INTS4: variants seen among roughly 807,000 people sequenced by gnomAD.
INTS4 encodes MSTP093.
Under a neutral mutation model 119.5 loss-of-function variants are expected in INTS4, and 70 were observed. The observed-to-expected ratio is 0.59, with a 90% CI of 0.48 to 0.71. INTS4 has a LOEUF of 0.71. Ranked by LOEUF, INTS4 falls within the 30% of genes least tolerant of loss-of-function variation. INTS4 has a pLI of 0.00. For missense variants in INTS4, 867 were observed against 1,173.2 expected (o/e 0.74, Z 3.81); for synonymous variants, 316 against 419.6 (o/e 0.75, Z 3.02).
At chr11:77,899,500 G>A (rs181447086) in intron 18 of INTS4, among the ~76,000 whole-genome samples, 2,681 of 151,822 alleles carry the variant, frequency 0.018, 90 homozygotes, top group African/African-American at 0.061. Context: ...GGTGAAACCC[G>A]TCTCTACTGA....
intron 20 of INTS4, 23 bp downstream of exon 20, chr11:77,891,658 A>G: frequency 1.2e-6 from 2 of 1,611,084 alleles, no homozygotes; most frequent in Non-Finnish European, 1.7e-6. Context: ...GATTTGGCCT[A>G]CAGGGGCCAA....
rs140609177 is a variant in INTS4 at position 77,926,944 on chromosome 11, C to T, written c.1371+1398G>A. On this transcript the variant is annotated intron_variant, in intron 11 of 22. Coordinates refer to ENST00000534064, the MANE Select transcript of INTS4 (RefSeq NM_033547.4). ...TACTGAAAAATGCTACAGCAGTATACACAGGGTGCTATGGGAATAGAGTGG... is the reference window on the plus strand; with the variant it reads ...TACTGAAAAATGCTACAGCAGTATATACAGGGTGCTATGGGAATAGAGTGG... 5.7e-3 allele frequency among the ~76,000 whole-genome samples: 875 copies of T among 152,228 alleles called. 6 individuals are homozygous for T. Among genetic ancestry groups the T allele is most frequent in the African/African-American group, 0.019 (797 of 41,554 alleles).
At chr11:77,939,182 A>T (rs576651594) in intron 9 of INTS4, among the ~76,000 whole-genome samples, 1 of 152,330 alleles carries the variant, frequency 6.6e-6, no homozygotes, top group Admixed American at 6.5e-5. Context: ...TGACTCTAAG[A>T]AAACAATTAT....
downstream of INTS4, among the ~76,000 whole-genome samples, chr11:77,876,666 A>T (rs1951603188): frequency 6.6e-6 from 1 of 152,160 alleles, no homozygotes; most frequent in African/African-American, 2.4e-5. Context: ...GTATTCTGAT[A>T]CCAAGCCAAA....
At chr11:77,952,047 C>G (rs1954209790) in intron 8 of INTS4, among the ~76,000 whole-genome samples, 1 of 152,170 alleles carries the variant, frequency 6.6e-6, no homozygotes, top group East Asian at 1.9e-4. Context: ...GAAATAGGAA[C>G]ACTTTTACAC....
intron 15 of INTS4, among the ~76,000 whole-genome samples, chr11:77,916,679 T>C: frequency 6.6e-6 from 1 of 152,246 alleles, no homozygotes; most frequent in East Asian, 1.9e-4. Flanking sequence ...AACTGTCTTC[T>C]GCACATGGAC....
intron 9 of INTS4, among the ~76,000 whole-genome samples, chr11:77,940,081 T>C (rs1378173547): frequency 1.3e-5 from 2 of 152,164 alleles, no homozygotes; most frequent in African/African-American, 4.8e-5. Flanking sequence ...TCAAATTTGG[T>C]TCTGCAAACC....
chr11:77,971,641 T>A (rs1207044994), intron 4 of INTS4, among the ~76,000 whole-genome samples: 3 of 152,066 alleles, frequency 2.0e-5, no homozygotes, highest in Non-Finnish European at 2.9e-5. Context: ...AGACTCCGAC[T>A]CAAAAAAACA....
At chr11:77,907,380 T>G (rs1014739406) in intron 16 of INTS4, among the ~76,000 whole-genome samples, 5 of 152,182 alleles carry the variant, frequency 3.3e-5, no homozygotes, top group African/African-American at 1.2e-4. Flanking sequence ...GGCCTTCAAA[T>G]GAGCATTTTA....
intron 16 of INTS4, among the ~76,000 whole-genome samples, chr11:77,904,878 A>G (rs1952895162): frequency 6.6e-6 from 1 of 152,128 alleles, no homozygotes; most frequent in Non-Finnish European, 1.5e-5. Flanking sequence ...TTACCATGTT[A>G]TTGTCTTTAT....
chr11:77,896,297 G>A (rs1292596736), intron 18 of INTS4, among the ~76,000 whole-genome samples: 2 of 152,126 alleles, frequency 1.3e-5, no homozygotes, highest in African/African-American at 4.8e-5. Context: ...AAACTCAACG[G>A]TTCAGAACAG....
Position 77,883,133 on chromosome 11 carries a change from G to A in INTS4, c.2713+699C>T, listed in dbSNP as rs73497913. ...AATTATGTGTTTAAAAACACAGAGT[G>A]AAAGAAAATTCCAAAAGGCATTCCC... On this transcript the variant is annotated intron_variant, in intron 22 of 22. Coordinates refer to ENST00000534064, the MANE Select transcript of INTS4 (RefSeq NM_033547.4). Among the ~76,000 whole-genome samples the A allele has an allele frequency of 4.9e-3, 751 of 152,048 alleles. 8 individuals carry two copies. The highest frequency in any genetic ancestry group is 0.017 in the African/African-American group (719 of 41,438).
chr11:77,915,517 C>T (rs1300035681), intron 15 of INTS4, among the ~76,000 whole-genome samples: 1 of 152,182 alleles, frequency 6.6e-6, no homozygotes, highest in Non-Finnish European at 1.5e-5. Context: ...GCATTCTCCC[C>T]ACGACCTGTC....
At chr11:77,943,772 G>A (rs890384353) in intron 8 of INTS4, among the ~76,000 whole-genome samples, 18 of 152,288 alleles carry the variant, frequency 1.2e-4, no homozygotes, top group African/African-American at 2.9e-4. Flanking sequence ...AAATGTATGT[G>A]AAATTTAGAT....
chr11:77,970,941 G>A (rs1226002617), intron 4 of INTS4, among the ~76,000 whole-genome samples: 1 of 152,024 alleles, frequency 6.6e-6, no homozygotes, highest in Non-Finnish European at 1.5e-5. Flanking sequence ...CCGAGTAGCT[G>A]GGATTACAGG....
chr11:77,917,945 A>G lies in INTS4; in HGVS notation c.1922+876T>C, dbSNP rs1953242519. The G allele has an allele frequency of 7.9e-6, 5 of 634,312 alleles. No individual in the cohort carries two copies. The East Asian group carries it at 1.4e-4, about 18-fold the overall frequency. The allele number at this position is 634,312 out of a possible 1,614,324, so 39.3% of individuals were successfully genotyped here. A position where few individuals can be genotyped will look rare whatever the true frequency, so the allele number is the denominator to read the frequency against. On this transcript the variant is annotated intron_variant, in intron 15 of 22. Coordinates refer to ENST00000534064, the MANE Select transcript of INTS4 (RefSeq NM_033547.4). ...AAGTGAGAGATGGCCATGTGACTTA[A>G]GTTCTAGTCAATGGAATGCAAGTAA...
intron 4 of INTS4, among the ~76,000 whole-genome samples, chr11:77,974,071 T>C (rs946524588): frequency 6.6e-6 from 1 of 152,130 alleles, no homozygotes; most frequent in African/African-American, 2.4e-5. Context: ...CTTTTCTTTG[T>C]AGGGATTTGT....
chr11:77,967,064 G>T (rs1432602914), intron 4 of INTS4, among the ~76,000 whole-genome samples: 1 of 151,904 alleles, frequency 6.6e-6, no homozygotes, highest in Non-Finnish European at 1.5e-5. Context: ...CTGTGGTTTT[G>T]ATTTTCTTTC....
chr11:77,922,899 G>A (rs966893064), intron 12 of INTS4: 4 of 229,440 alleles, frequency 1.7e-5, no homozygotes, highest in Non-Finnish European at 3.5e-5. Context: ...AATGGAGCAC[G>A]AGAGTATGCT....
Sources: gnomAD v4.1 joint callset for allele counts (sites outside exome capture counted in the v4.1 genomes callset) on GRCh38, gnomAD v4.1.1 for gene constraint, MANE v1.5 for transcripts, NCBI Gene and HGNC (gene_info 2026-07-23, HGNC 2026-07-21) for gene names.